The following CASP9 variants were observed in gnomAD, a reference collection of about 807,000 sequenced individuals.
The protein encoded by CASP9 is caspase 9.
A neutral mutation model predicts 43.5 loss-of-function variants in CASP9; 29 were observed. The observed-to-expected ratio is 0.67, with a 90% CI of 0.50 to 0.91. The LOEUF is 0.91. Ranked by LOEUF, CASP9 falls within the 40% of genes least tolerant of loss-of-function variation. The pLI, the probability that CASP9 is intolerant of heterozygous loss-of-function variation, is 0.00. For synonymous variants in CASP9, 206 were observed against 211.9 expected, an observed-to-expected ratio of 0.97 and a Z score of 0.24; for missense variants, 575 against 537.4, an observed-to-expected ratio of 1.07 and a Z score of -0.69.
chr1:15,493,603 G>A (rs758673751), intron 8 of CASP9: 429 of 1,435,592 alleles, frequency 3.0e-4, no homozygotes, highest in Middle Eastern at 1.5e-3. Flanking sequence ...GCCATCCTGC[G>A]CTGGCACTGA....
intron 6 of CASP9, among the ~76,000 whole-genome samples, chr1:15,502,869 T>C (rs1709376841): frequency 6.6e-6 from 1 of 152,142 alleles, no homozygotes; most frequent in Non-Finnish European, 1.5e-5. Flanking sequence ...CCACACACTG[T>C]GGATAAGACA....
At chr1:15,524,277 C>G, upstream of CASP9, 1 of 1,495,004 alleles carries the variant, frequency 6.7e-7, no homozygotes, top group Non-Finnish European at 8.8e-7. Context: ...TCCCCAGGAC[C>G]CGCCCCCGCC....
intron 1 of CASP9, among the ~76,000 whole-genome samples, chr1:15,521,366 T>G (rs1031769756): frequency 3.9e-5 from 6 of 151,978 alleles, no homozygotes; most frequent in Non-Finnish European, 7.4e-5. Context: ...ATATTATCCA[T>G]GCCTGCCCGC....
At chr1:15,518,034 C>G (rs1710020312) in intron 2 of CASP9, 76 bp downstream of exon 2, 4 of 1,469,444 alleles carry the variant, frequency 2.7e-6, no homozygotes, top group Non-Finnish European at 3.8e-6. Context: ...AATCTCAGCC[C>G]ACCCAGCTGT....
At chr1:15,516,218 AAT>A (rs1374266310) in intron 2 of CASP9, among the ~76,000 whole-genome samples, 2 of 150,914 alleles carry the variant, frequency 1.3e-5, no homozygotes, top group African/African-American at 4.9e-5. Flanking sequence ...AAAAAAAAAA[AAT>A]GGCCAGGGAT....
intron 2 of CASP9, among the ~76,000 whole-genome samples, chr1:15,514,746 C>G (rs776196498): frequency 3.3e-5 from 5 of 152,194 alleles, no homozygotes; most frequent in Admixed American, 2.6e-4. Flanking sequence ...TGGCTCATAC[C>G]TATAATCCCA....
chr1:15,502,216 G>A (rs926242985), intron 6 of CASP9, among the ~76,000 whole-genome samples: 3 of 152,132 alleles, frequency 2.0e-5, no homozygotes, highest in Non-Finnish European at 4.4e-5. Flanking sequence ...CTATGGTAGG[G>A]GAGGGACAGA....
chr1:15,508,788 T>C (rs549606353), intron 2 of CASP9, among the ~76,000 whole-genome samples: 16 of 152,280 alleles, frequency 1.1e-4, no homozygotes, highest in Admixed American at 5.2e-4. Context: ...AGCTGGAAGC[T>C]CACAGGAGTG....
chr1:15,507,251 AC>A (rs1206141747), intron 3 of CASP9, 176 bp from the exon 4 acceptor site: 4 of 621,584 alleles, frequency 6.4e-6, no homozygotes, highest in Non-Finnish European at 5.5e-6. Context: ...CTAGAAGGTG[AC>A]CCCCCCATCT....
chr1:15,504,216 C>T (rs1422636824), intron 6 of CASP9, among the ~76,000 whole-genome samples: 1 of 152,202 alleles, frequency 6.6e-6, no homozygotes, highest in Non-Finnish European at 1.5e-5. Context: ...TTTGGTTTCT[C>T]CATGCAGTTT....
chr1:15,492,668 G>A lies in CASP9; in HGVS notation c.*275C>T, dbSNP rs547884092. 27 of 505,526 alleles carry A rather than the reference G, an allele frequency of 5.3e-5. No individual in the cohort carries two copies. The South Asian group carries it at 7.1e-4, about 13-fold the overall frequency. The allele number at this position is 505,526 out of a possible 1,614,324, so 31.3% of individuals were successfully genotyped here. A position where few individuals can be genotyped will look rare whatever the true frequency, so the allele number is the denominator to read the frequency against. Reference sequence around the variant, plus strand: ...ATCCCTGCTCTAGAGACAACACAGGGATCATGGGACACAAGTCACTAGCCC... The same window carrying A: ...ATCCCTGCTCTAGAGACAACACAGGAATCATGGGACACAAGTCACTAGCCC... On this transcript the variant is annotated 3_prime_UTR_variant, in exon 9 of 9. Coordinates refer to ENST00000333868, the MANE Select transcript of CASP9 (RefSeq NM_001229.5).
chr1:15,511,651 G>A (rs1479831359), intron 2 of CASP9, among the ~76,000 whole-genome samples: 5 of 152,164 alleles, frequency 3.3e-5, no homozygotes, highest in African/African-American at 7.2e-5. Context: ...TGATCCATCC[G>A]TCTTGGCCTC....
chr1:15,507,554 G>GC (rs1269712849), intron 3 of CASP9, among the ~76,000 whole-genome samples: 2 of 152,196 alleles, frequency 1.3e-5, no homozygotes, highest in Admixed American at 1.3e-4. Context: ...TTCCCAGGTG[G>GC]CCCCAGCACA....
intron 1 of CASP9, among the ~76,000 whole-genome samples, chr1:15,521,269 CAAA>C (rs34494163): frequency 9.6e-5 from 12 of 124,874 alleles, no homozygotes; most frequent in Admixed American, 1.6e-4. Context: ...GACACCACCT[CAAA>C]AAAAAAAAAA....
chr1:15,508,815 C>A (rs1709623341), intron 2 of CASP9, among the ~76,000 whole-genome samples: 1 of 152,208 alleles, frequency 6.6e-6, no homozygotes, highest in Non-Finnish European at 1.5e-5. Flanking sequence ...AGCAGCTGTG[C>A]CAATAGAAAA....
intron 6 of CASP9, among the ~76,000 whole-genome samples, chr1:15,500,346 G>A (rs1709277248): frequency 6.6e-6 from 1 of 152,128 alleles, no homozygotes; most frequent in Admixed American, 6.5e-5. Flanking sequence ...GGTTTGCATG[G>A]CTGGATCTAT....
At chr1:15,512,729 T>A (rs1709804942) in intron 2 of CASP9, among the ~76,000 whole-genome samples, 1 of 152,168 alleles carries the variant, frequency 6.6e-6, no homozygotes, top group Non-Finnish European at 1.5e-5. Context: ...TCCGTGTGTG[T>A]ATGTGTGTAT....
At chr1:15,494,069 G>A (rs1570821571) in intron 7 of CASP9, 68 bp from the exon 8 acceptor site, 5 of 1,532,764 alleles carry the variant, frequency 3.3e-6, no homozygotes, top group Middle Eastern at 1.8e-4. Context: ...CCACCCCTCT[G>A]GCCATGCACG....
chr1:15,517,741 G>T (rs1862711), intron 2 of CASP9, among the ~76,000 whole-genome samples: 89,084 of 151,796 alleles, frequency 0.59, 26,812 homozygotes, highest in African/African-American at 0.71. Context: ...ACTGAGGCCT[G>T]TCTCCTGCCC....
Sources: allele counts gnomAD v4.1 joint callset (sites outside exome capture counted in the v4.1 genomes callset), GRCh38; gene constraint gnomAD v4.1.1; transcripts MANE v1.5; gene names NCBI Gene and HGNC (gene_info 2026-07-23, HGNC 2026-07-21).